Variants in SLC8A1 observed in about 807,000 individuals in gnomAD.
SLC8A1 encodes solute carrier family 8 member A1.
In SLC8A1, 18 loss-of-function variants were observed where a neutral mutation model predicts 68.3. That is an observed-to-expected ratio of 0.26 (90% CI 0.18 to 0.39). The LOEUF (loss-of-function observed/expected upper bound fraction) is 0.39. Ranked by LOEUF, SLC8A1 falls within the 10% of genes least tolerant of loss-of-function variation. The pLI is 1.00. For synonymous variants in SLC8A1, 475 were observed against 415.5 expected, an observed-to-expected ratio of 1.14 and a Z score of -1.74; for missense variants, 985 against 1,156.7, an observed-to-expected ratio of 0.85 and a Z score of 2.15.
chr2:40,296,912 G>A (rs1444726006), intron 2 of SLC8A1, among the ~76,000 whole-genome samples: 1 of 152,128 alleles, frequency 6.6e-6, no homozygotes, highest in African/African-American at 2.4e-5. Context: ...CTCTCCACTA[G>A]AAACTCCCTC....
chr2:40,177,314 T>G (rs1051454785), intron 3 of SLC8A1, among the ~76,000 whole-genome samples: 10 of 152,198 alleles, frequency 6.6e-5, no homozygotes, highest in African/African-American at 2.4e-4. Flanking sequence ...GCCATTAGGG[T>G]CATCTACTAA....
chr2:40,289,305 G>C (rs140574943), intron 2 of SLC8A1, among the ~76,000 whole-genome samples: 314 of 152,014 alleles, frequency 2.1e-3, no homozygotes, highest in Middle Eastern at 0.014. Context: ...GGTCTGGTTA[G>C]AAAATTTATT....
At chr2:40,185,868 T>A (rs2148617262) in intron 2 of SLC8A1, among the ~76,000 whole-genome samples, 1 of 152,310 alleles carries the variant, frequency 6.6e-6, no homozygotes, top group South Asian at 2.1e-4. Flanking sequence ...GTTTGGAGTT[T>A]TCAGTAAGGA....
At chr2:40,430,388 T>C in intron 1 of SLC8A1, 84 bp from the exon 2 acceptor site, 1 of 1,349,482 alleles carries the variant, frequency 7.4e-7, no homozygotes, top group Non-Finnish European at 9.9e-7. Flanking sequence ...TTACTTATTT[T>C]TATTACTCTT....
At chr2:40,443,745 T>C (rs558932219) in intron 1 of SLC8A1, among the ~76,000 whole-genome samples, 1 of 152,292 alleles carries the variant, frequency 6.6e-6, no homozygotes, top group Admixed American at 6.5e-5. Context: ...CTTGGAGAAG[T>C]CATTTTCCCT....
intron 2 of SLC8A1, among the ~76,000 whole-genome samples, chr2:40,380,669 A>G (rs994581424): frequency 6.6e-6 from 1 of 152,108 alleles, no homozygotes; most frequent in Non-Finnish European, 1.5e-5. Context: ...TGCCTTAATT[A>G]TGTTATTGCT....
At chr2:40,288,012 T>C (rs892603519) in intron 2 of SLC8A1, among the ~76,000 whole-genome samples, 2 of 152,124 alleles carry the variant, frequency 1.3e-5, no homozygotes, top group Non-Finnish European at 2.9e-5. Context: ...CCTGGTCCTT[T>C]GGCTTGGAAA....
intron 2 of SLC8A1, among the ~76,000 whole-genome samples, chr2:40,268,391 T>G (rs1055594790): frequency 8.5e-5 from 13 of 152,266 alleles, no homozygotes; most frequent in African/African-American, 2.4e-5. Flanking sequence ...TTGAACTAGG[T>G]AGAGTTGCCT....
chr2:40,324,058 G>A (rs1230295350), intron 2 of SLC8A1, among the ~76,000 whole-genome samples: 2 of 151,694 alleles, frequency 1.3e-5, no homozygotes, highest in Non-Finnish European at 2.9e-5. Flanking sequence ...ATTACAGTAT[G>A]TGTAAACCAA....
chr2:40,105,408 A>G (rs1056751486), exon 8 of SLC8A1: 1 of 152,228 alleles, frequency 6.6e-6, no homozygotes, highest in African/African-American at 2.4e-5. Flanking sequence ...TAGTAATACT[A>G]TCCATGGATC....
chr2:40,484,816 G>T (rs891237988), intron 1 of SLC8A1, among the ~76,000 whole-genome samples: 4 of 152,190 alleles, frequency 2.6e-5, no homozygotes, highest in African/African-American at 7.2e-5. Context: ...CTGGTGGAGG[G>T]TCATGTTAGG....
At chr2:40,482,189 C>T (rs577866315) in intron 1 of SLC8A1, among the ~76,000 whole-genome samples, 36 of 152,240 alleles carry the variant, frequency 2.4e-4, no homozygotes, top group African/African-American at 8.7e-4. Context: ...ATTTTAAAAA[C>T]GAATGTCCCA....
At chr2:40,259,271 A>G (rs1178376559) in intron 2 of SLC8A1, among the ~76,000 whole-genome samples, 1 of 152,206 alleles carries the variant, frequency 6.6e-6, no homozygotes, top group East Asian at 1.9e-4. Context: ...TTCCATTACA[A>G]ATACTTGGCT....
chr2:40,403,747 A>G (rs531915329), intron 2 of SLC8A1, among the ~76,000 whole-genome samples: 1 of 152,352 alleles, frequency 6.6e-6, no homozygotes, highest in African/African-American at 2.4e-5. Flanking sequence ...TTCATAAGGT[A>G]CAGAACCTAT....
At chr2:40,298,537 G>A (rs959369604) in intron 2 of SLC8A1, among the ~76,000 whole-genome samples, 5 of 152,100 alleles carry the variant, frequency 3.3e-5, no homozygotes, top group African/African-American at 4.8e-5. Context: ...AAAATAATAC[G>A]TAACAAAATA....
chr2:40,454,760 A>C (rs921935369), upstream of SLC8A1, among the ~76,000 whole-genome samples: 2 of 152,156 alleles, frequency 1.3e-5, no homozygotes, highest in African/African-American at 4.8e-5. Flanking sequence ...CCAGGGCCCC[A>C]AGGCAAATCA....
intron 2 of SLC8A1, among the ~76,000 whole-genome samples, chr2:40,264,520 A>C (rs1201063587): frequency 6.6e-6 from 1 of 152,216 alleles, no homozygotes; most frequent in Non-Finnish European, 1.5e-5. Flanking sequence ...CTATGCAGCC[A>C]TAAAAAATGA....
At position 40,430,307 on chromosome 2, in the gene SLC8A1, G is replaced by C. The variant is rs767284512; in HGVS notation, c.-24-3C>G. 11 of 1,572,374 alleles carry C rather than the reference G, an allele frequency of 7.0e-6. No homozygotes were observed. In the South Asian group the frequency reaches 7.2e-5, roughly 10 times the overall value. ...ACACTTCCAACTGTCACAACCTACTGGTAAAAATAAGATGGGGGAGAGGGC... is the reference window on the plus strand; with the variant it reads ...ACACTTCCAACTGTCACAACCTACTCGTAAAAATAAGATGGGGGAGAGGGC... On this transcript the variant is annotated splice_region_variant and splice_polypyrimidine_tract_variant and intron_variant, in intron 1 of 7. Coordinates refer to ENST00000406785, the Ensembl canonical transcript of SLC8A1.
rs762972889 is a variant in SLC8A1 at position 40,122,227 on chromosome 2, T to TGCGCGCGCGCGCACACACACACACACAC, written c.2438-6599_2438-6598insGTGTGTGTGTGTGTGTGCGCGCGCGCGC. On this transcript the variant is annotated intron_variant, in intron 7 of 7. Coordinates refer to ENST00000406785, the Ensembl canonical transcript of SLC8A1. Reference sequence around the variant, plus strand: ...GCGCGCACACACACACACACACACGTGTGCGCGCGCACACACACACACACA... The same window carrying TGCGCGCGCGCGCACACACACACACACAC: ...GCGCGCACACACACACACACACACGTGCGCGCGCGCGCACACACACACACACACGTGCGCGCGCACACACACACACACA... 1.9e-4 allele frequency among the ~76,000 whole-genome samples: 26 copies of TGCGCGCGCGCGCACACACACACACACAC among 137,468 alleles called. 1 individual carries two copies. Among genetic ancestry groups the TGCGCGCGCGCGCACACACACACACACAC allele is most frequent in the South Asian group, 4.7e-4 (2 of 4,254 alleles). The allele number at this position is 137,468 out of a possible 152,430, so 90.2% of individuals were successfully genotyped here. A position where few individuals can be genotyped will look rare whatever the true frequency, so the allele number is the denominator to read the frequency against.
Sources: gnomAD v4.1 joint callset for allele counts (sites outside exome capture counted in the v4.1 genomes callset) on GRCh38, gnomAD v4.1.1 for gene constraint, MANE v1.5 for transcripts, NCBI Gene and HGNC (gene_info 2026-07-23, HGNC 2026-07-21) for gene names.